MMRN2: variants seen among roughly 807,000 people sequenced by gnomAD.
MMRN2 encodes the protein multimerin 2, also known as multimerin-2.
Under a neutral mutation model 68.8 loss-of-function variants are expected in MMRN2, and 53 were observed. The observed-to-expected ratio is 0.77, with a 90% confidence interval of 0.62 to 0.97. The LOEUF is 0.97. Among genes scored for constraint, MMRN2 ranks in the 50% least tolerant of loss-of-function variants. The pLI is 0.00. For missense variants in MMRN2, 1,266 were observed against 1,259.5 expected (o/e 1.01, Z -0.08); for synonymous variants, 564 against 551.6 (o/e 1.02, Z -0.32).
chr10:86,939,827 G>GTGTT (rs1227286537), intron 6 of MMRN2, among the ~76,000 whole-genome samples: 47 of 135,394 alleles, frequency 3.5e-4, no homozygotes, highest in African/African-American at 1.3e-3. Flanking sequence ...GTGTGTGTGT[G>GTGTT]TGTGTGTGTG....
In MMRN2 at chr10:86,945,271, G is replaced by A; in HGVS notation, c.401-3C>T. The A allele has an allele frequency of 6.2e-7, 1 of 1,613,604 alleles. No individual in the cohort carries two copies. Among genetic ancestry groups the A allele is most frequent in the East Asian group, 2.2e-5 (1 of 44,884 alleles). ...AGGCTCAGGGATTGCCATGGAATCTGCAGAAGAAAGCATTAGTTATTGACC... is the reference window on the plus strand; with the variant it reads ...AGGCTCAGGGATTGCCATGGAATCTACAGAAGAAAGCATTAGTTATTGACC... On this transcript the variant is annotated splice_polypyrimidine_tract_variant and splice_region_variant and intron_variant, in intron 3 of 6. Transcript: ENST00000372027.
chr10:86,939,946 G>A (rs1185912876), intron 6 of MMRN2, among the ~76,000 whole-genome samples: 1 of 151,660 alleles, frequency 6.6e-6, no homozygotes, highest in African/African-American at 2.4e-5. Context: ...TGCCTCCCAG[G>A]TTCAAGCGAT....
chr10:86,955,452 C>T (rs1250278425), intron 1 of MMRN2, among the ~76,000 whole-genome samples: 2 of 152,180 alleles, frequency 1.3e-5, no homozygotes, highest in Non-Finnish European at 2.9e-5. Flanking sequence ...CAAGCTTCTC[C>T]TTGCAAAGGG....
In MMRN2 at chr10:86,943,534, G is replaced by A. The variant is rs1589302111; in HGVS notation, c.1250C>T (p.Ser417Phe). 6.8e-6 allele frequency: 11 copies of A among 1,614,108 alleles called. No individual in the cohort carries two copies. The East Asian group carries it at 2.2e-4, about 33-fold the overall frequency. ...CTGATCGAAAGTCTCGTCCGATTCGGAGTACAGTTCCTTGATCTCATCCAC... is the reference window on the plus strand; with the variant it reads ...CTGATCGAAAGTCTCGTCCGATTCGAAGTACAGTTCCTTGATCTCATCCAC... ...RHVDEIKELYSESDETFDQIS... is the reference protein window; with the variant it reads ...RHVDEIKELYFESDETFDQIS... Residue 417 changes from serine (S) to phenylalanine (F), a missense_variant, in exon 6 of 7, where the codon TCC becomes TTC. Ser to Phe is a radical substitution (Grantham distance 155, BLOSUM62 -2). Coordinates refer to ENST00000372027, the MANE Select transcript of MMRN2 (RefSeq NM_024756.3). The surrounding 1 kb of genome is among the most constrained non-coding windows in gnomAD (Gnocchi z 4.2).
chr10:86,942,144 TGA>T (rs1368167224), intron 6 of MMRN2, among the ~76,000 whole-genome samples, 171 bp downstream of exon 6: 1 of 152,134 alleles, frequency 6.6e-6, no homozygotes, highest in Non-Finnish European at 1.5e-5. Context: ...CCAGGTAGCT[TGA>T]GAGACCCACA....
chr10:86,956,564 T>A lies in MMRN2; in HGVS notation c.164+814A>T, dbSNP rs189363135. Among the ~76,000 whole-genome samples the A allele has an allele frequency of 3.1e-3, 466 of 152,374 alleles. 2 individuals carry two copies. Among genetic ancestry groups the A allele is most frequent in the Admixed American group, 5.4e-3 (83 of 15,306 alleles). ...TCCAAGTGCTGCAGAGAGTTCACTA[T>A]GAGCTCTGAAGTCAAACTCAGATCC... On this transcript the variant is annotated intron_variant, in intron 1 of 6. Coordinates refer to ENST00000372027, the MANE Select transcript of MMRN2 (RefSeq NM_024756.3).
At chr10:86,947,401 A>G (rs1310301345) in intron 1 of MMRN2, among the ~76,000 whole-genome samples, 2 of 151,354 alleles carry the variant, frequency 1.3e-5, no homozygotes, top group African/African-American at 4.9e-5. Flanking sequence ...GGAGTCTCGC[A>G]CTGTCGCTTG....
At chr10:86,937,157 C>G in intron 6 of MMRN2, 32 bp from the exon 7 acceptor site, 1 of 1,604,672 alleles carries the variant, frequency 6.2e-7, no homozygotes, top group Non-Finnish European at 8.5e-7. Context: ...CTTAGTGATT[C>G]ATCCCTTACA....
intron 1 of MMRN2, among the ~76,000 whole-genome samples, chr10:86,957,038 G>A (rs1158200310): frequency 6.6e-6 from 1 of 152,180 alleles, no homozygotes; most frequent in Non-Finnish European, 1.5e-5. Context: ...TGATTTCTTT[G>A]GAAGAACAGG....
intron 6 of MMRN2, among the ~76,000 whole-genome samples, chr10:86,941,248 T>G (rs1352526397): frequency 6.6e-6 from 1 of 152,198 alleles, no homozygotes; most frequent in Non-Finnish European, 1.5e-5. Flanking sequence ...CACTGAGGTG[T>G]GTTCCAAGAC....
rs200440803 is a variant in MMRN2, at chr10:86,944,142, G to A, written c.656-14C>T. On this transcript the variant is annotated splice_polypyrimidine_tract_variant and intron_variant, in intron 5 of 6. Transcript: ENST00000372027. ...TATCAGGGAACTCTGCAACAGACAT[G>A]TGGTGTGACACAAGCCCTGCAGGAG... 14 of 1,610,346 alleles carry A rather than the reference G, an allele frequency of 8.7e-6. No individual in the cohort carries two copies. In the African/African-American group the frequency reaches 1.3e-4, roughly 15 times the overall value.
chr10:86,939,160 CAAAA>C lies in MMRN2; in HGVS notation c.2468-2039_2468-2036del, dbSNP rs71019439. Among the ~76,000 whole-genome samples, 299 of 96,474 alleles carry C rather than the reference CAAAA, an allele frequency of 3.1e-3. 1 individual carries two copies. Among genetic ancestry groups the C allele is most frequent in the South Asian group, 6.6e-3 (18 of 2,712 alleles). The allele number at this position is 96,474 out of a possible 152,430, so 63.3% of individuals were successfully genotyped here. ...CTGGGCAACGAGAGTGAAACTCCGT[CAAAA>C]AAAAAAAAAAAAAAAAATGCCGGGC... On this transcript the variant is annotated intron_variant, in intron 6 of 6. Transcript: ENST00000372027.
At position 86,936,912 on chromosome 10, in the gene MMRN2, C is replaced by T. The variant is rs1255537836; in HGVS notation, c.2681G>A (p.Arg894Gln). The T allele has an allele frequency of 9.3e-6, 15 of 1,614,100 alleles. No individual in the cohort carries two copies. The highest frequency in any genetic ancestry group is 1.3e-5 in the African/African-American group (1 of 74,932). The change falls in exon 7 of 7, where the codon CGG becomes CAG. Residue 894 changes from arginine to glutamine, a missense_variant. Coordinates refer to ENST00000372027, the MANE Select transcript of MMRN2 (RefSeq NM_024756.3). ...TGQLVFGGHH[R>Q]TPVCTTGQGS... ...CTGCCCAGTGGTACAGACTGGAGTC[C>T]GATGGTGACCTCCAAACACCAGCTG...
intron 6 of MMRN2, among the ~76,000 whole-genome samples, chr10:86,940,556 C>T (rs1048864082): frequency 5.9e-5 from 9 of 152,172 alleles, no homozygotes; most frequent in African/African-American, 2.2e-4. Context: ...ATTTGGTAAA[C>T]GCAGCAGTCT....
chr10:86,956,426 G>A (rs570290438), intron 1 of MMRN2, among the ~76,000 whole-genome samples: 2 of 152,292 alleles, frequency 1.3e-5, no homozygotes, highest in African/African-American at 4.8e-5. Context: ...GCACAGAAGT[G>A]TAAGTTGGCC....
chr10:86,942,400 T>G lies in MMRN2; in HGVS notation c.2384A>C (p.Asp795Ala), dbSNP rs770694559. The change falls in exon 6 of 7, where the codon GAC becomes GCC. Residue 795 changes from aspartate (D) to alanine (A), a missense_variant. Coordinates refer to ENST00000372027, the MANE Select transcript of MMRN2 (RefSeq NM_024756.3). ...CACCAAAGGCTCCGCTTCCTTCTTG[T>G]CCCTCTTCCGGGGAGCTTCCAGGTC... ...QKDLEAPRKR[D>A]KKEAEPLVDI... is the part of the protein sequence containing the mutation. 9.9e-6 allele frequency: 16 copies of G among 1,614,080 alleles called. No individual in the cohort carries two copies. Among genetic ancestry groups the G allele is most frequent in the African/African-American group, 1.3e-5 (1 of 74,944 alleles).
chr10:86,953,367 C>G (rs537734333), intron 1 of MMRN2, among the ~76,000 whole-genome samples: 1 of 152,256 alleles, frequency 6.6e-6, no homozygotes, highest in South Asian at 2.1e-4. Flanking sequence ...GCAGTAAAGA[C>G]AGGTGTAAGA....
At position 86,935,627 on chromosome 10, in the gene MMRN2, G is replaced by A. The variant is rs1722829864; in HGVS notation, c.*1116C>T. On this transcript the variant is annotated 3_prime_UTR_variant, in exon 7 of 7. Transcript: ENST00000372027. Reference sequence around the variant, plus strand: ...TTCCCTCCTCCCTCAGCTGCCTCCTGGTTAGAGATGCTAACAAGAATTACG... The same window carrying A: ...TTCCCTCCTCCCTCAGCTGCCTCCTAGTTAGAGATGCTAACAAGAATTACG... The A allele has an allele frequency of 6.6e-6, 1 of 152,194 alleles. No individual in the cohort carries two copies. Among genetic ancestry groups the A allele is most frequent in the South Asian group, 2.1e-4 (1 of 4,830 alleles). 9.4% of individuals were successfully genotyped at this position (152,194 alleles called of 1,614,324 possible).
rs1156620047 is a variant in MMRN2 at position 86,936,552 on chromosome 10, CCTT to C, written c.*188_*190del. ...GTCCTGCCCGGAGAAGCATTCCAGT[CCTT>C]CTCATCATGGAGAAATGGCCAAGCC... On this transcript the variant is annotated 3_prime_UTR_variant, in exon 7 of 7. Coordinates refer to ENST00000372027, the MANE Select transcript of MMRN2 (RefSeq NM_024756.3). 2.7e-5 allele frequency: 18 copies of C among 664,026 alleles called. No homozygotes were observed. The African/African-American group carries it at 3.3e-4, about 12-fold the overall frequency. 41.1% of individuals were successfully genotyped at this position (664,026 alleles called of 1,614,324 possible).
Sources: gnomAD v4.1 joint callset for allele counts (sites outside exome capture counted in the v4.1 genomes callset) on GRCh38, gnomAD v4.1.1 for gene constraint, Gnocchi (gnomAD v3.1) non-coding constraint, MANE v1.5 for transcripts, NCBI Gene and HGNC (gene_info 2026-07-23, HGNC 2026-07-21) for gene names.